NFATC2: variants seen among roughly 807,000 people sequenced by gnomAD.
NFATC2 encodes the protein nuclear factor of activated T-cells, cytoplasmic 2.
NFATC2 carries 22 observed loss-of-function variants against 87.3 expected under a neutral mutation model. The observed-to-expected ratio is 0.25, with a 90% confidence interval of 0.18 to 0.36. NFATC2 has a LOEUF of 0.36. Among genes scored for constraint, NFATC2 ranks in the 10% least tolerant of loss-of-function variants. NFATC2 has a pLI of 1.00. For synonymous variants in NFATC2, 565 were observed against 542.2 expected, an observed-to-expected ratio of 1.04 and a Z score of -0.58; for missense variants, 1,149 against 1,259.1, an observed-to-expected ratio of 0.91 and a Z score of 1.32.
Position 51,524,597 on chromosome 20 carries a change from C to T in NFATC2, c.131-487G>A. ...TCATGACCCCTAGTTTGAAAAGCAC[C>T]TATCTAGGGCCTATGGCAGCACTCT... On this transcript the variant is annotated intron_variant, in intron 1 of 10. Transcript: ENST00000371564. The surrounding 1 kb of genome is among the most constrained non-coding windows in gnomAD (Gnocchi z 4.0). Among the ~76,000 whole-genome samples the T allele has an allele frequency of 6.6e-6, 1 of 152,086 alleles. No individual in the cohort carries two copies. The highest frequency in any genetic ancestry group is 1.9e-4 in the East Asian group (1 of 5,178).
chr20:51,536,898 A>ACAC (rs2076729804), intron 1 of NFATC2, among the ~76,000 whole-genome samples: 1 of 149,682 alleles, frequency 6.7e-6, no homozygotes, highest in Non-Finnish European at 1.5e-5. Flanking sequence ...GCAAGCACCA[A>ACAC]ACACACACAC....
chr20:51,464,886 T>A (rs1987521088), intron 5 of NFATC2, among the ~76,000 whole-genome samples: 1 of 152,252 alleles, frequency 6.6e-6, no homozygotes, highest in Admixed American at 6.5e-5. Context: ...GCAAGCTCAC[T>A]TCTCCATGCT....
At chr20:51,531,285 G>A (rs1026535256) in intron 1 of NFATC2, among the ~76,000 whole-genome samples, 2 of 152,188 alleles carry the variant, frequency 1.3e-5, no homozygotes, top group African/African-American at 4.8e-5. Flanking sequence ...CATGACTCAC[G>A]CCCTCAACCT....
At chr20:51,458,736 C>G (rs1042111038) in intron 5 of NFATC2, among the ~76,000 whole-genome samples, 6 of 151,948 alleles carry the variant, frequency 3.9e-5, no homozygotes, top group Non-Finnish European at 7.4e-5. Flanking sequence ...ATTGCTTGAA[C>G]CGGGGAGGCG....
chr20:51,483,399 G>T (rs941642040), intron 3 of NFATC2, among the ~76,000 whole-genome samples: 6 of 152,058 alleles, frequency 3.9e-5, no homozygotes, highest in African/African-American at 1.4e-4. Context: ...CATCCTCAAA[G>T]ATTTCACTCT....
intron 9 of NFATC2, among the ~76,000 whole-genome samples, chr20:51,411,820 G>T (rs763285660): frequency 6.6e-6 from 1 of 151,998 alleles, no homozygotes; most frequent in Non-Finnish European, 1.5e-5. Flanking sequence ...GAGCCACCGC[G>T]CCTGGCCTGA....
At position 51,479,687 on chromosome 20, in the gene NFATC2, C is replaced by A. The variant is rs1989065510; in HGVS notation, c.1333-4027G>T. On this transcript the variant is annotated intron_variant, in intron 3 of 10. Coordinates refer to ENST00000371564, the MANE Select transcript of NFATC2 (RefSeq NM_012340.5). ...CATCTGTTTCCCTCATGCCACACAC[C>A]ACACTTGATGTTTTACACATCTCAC... 2.0e-5 allele frequency among the ~76,000 whole-genome samples: 3 copies of A among 152,178 alleles called. No homozygotes were observed. The South Asian group carries it at 6.2e-4, about 31-fold the overall frequency.
At chr20:51,428,710 C>A (rs938418534) in intron 9 of NFATC2, among the ~76,000 whole-genome samples, 1 of 152,144 alleles carries the variant, frequency 6.6e-6, no homozygotes, top group African/African-American at 2.4e-5. Context: ...TGCACTTGTG[C>A]GGGGGAGGGA....
chr20:51,458,780 C>G (rs1208183641), intron 5 of NFATC2, among the ~76,000 whole-genome samples: 1 of 152,082 alleles, frequency 6.6e-6, no homozygotes, highest in Admixed American at 6.5e-5. Flanking sequence ...CGCCCCTGCA[C>G]TCCAGCCTGG....
chr20:51,402,132 A>G (rs1988109869), intron 9 of NFATC2, among the ~76,000 whole-genome samples: 1 of 152,220 alleles, frequency 6.6e-6, no homozygotes, highest in Non-Finnish European at 1.5e-5. Flanking sequence ...GCTTTTTTGC[A>G]ATGATTGCAC....
At chr20:51,393,198 T>G (rs899120442) in intron 10 of NFATC2, among the ~76,000 whole-genome samples, 3 of 152,224 alleles carry the variant, frequency 2.0e-5, no homozygotes, top group African/African-American at 7.2e-5. Context: ...GGTCGGATTC[T>G]GGAGCCAGCG....
At chr20:51,535,743 G>A (rs1344087086) in intron 1 of NFATC2, among the ~76,000 whole-genome samples, 4 of 152,120 alleles carry the variant, frequency 2.6e-5, no homozygotes, top group African/African-American at 9.7e-5. Flanking sequence ...TCAGACTTGG[G>A]GTTTTTTTTC....
In NFATC2 at chr20:51,542,687, C is replaced by A; in HGVS notation, c.-188G>T. ...CCTGGACGCGCCCGGGGAAGCTGAG[C>A]GGCGGCGGCGACGGCGGCGCGAGCT... On this transcript the variant is annotated 5_prime_UTR_variant, in exon 1 of 11. Transcript: ENST00000371564. The A allele has an allele frequency of 9.8e-6, 10 of 1,016,132 alleles. No homozygotes were observed. The highest frequency in any genetic ancestry group is 4.8e-4 in the Middle Eastern group (1 of 2,074). The allele number at this position is 1,016,132 out of a possible 1,614,324, so 62.9% of individuals were successfully genotyped here.
chr20:51,476,496 G>A (rs1399101432), intron 3 of NFATC2, among the ~76,000 whole-genome samples: 1 of 152,060 alleles, frequency 6.6e-6, no homozygotes, highest in Non-Finnish European at 1.5e-5. Flanking sequence ...CATCTATTTA[G>A]AATTGAATCC....
intron 8 of NFATC2, among the ~76,000 whole-genome samples, chr20:51,434,573 G>A (rs1983273288): frequency 1.3e-5 from 2 of 152,132 alleles, no homozygotes; most frequent in Admixed American, 6.5e-5. Context: ...CTGTTAGAAT[G>A]GCAGTTCCAC....
chr20:51,542,940 C>A (rs906391341), upstream of NFATC2, among the ~76,000 whole-genome samples: 4 of 152,148 alleles, frequency 2.6e-5, no homozygotes, highest in African/African-American at 9.7e-5. Flanking sequence ...GTCTCCCACC[C>A]TCCACGGGTG....
In NFATC2 at chr20:51,502,702, T is replaced by A. The variant is rs191452790; in HGVS notation, c.1332+14082A>T. 3.8e-4 allele frequency among the ~76,000 whole-genome samples: 58 copies of A among 152,324 alleles called. 3 individuals carry two copies. Among genetic ancestry groups the A allele is most frequent in the Admixed American group, 3.1e-3 (48 of 15,298 alleles). On this transcript the variant is annotated intron_variant, in intron 3 of 10. Coordinates refer to ENST00000371564, the MANE Select transcript of NFATC2 (RefSeq NM_012340.5). ...ATAGATACATGACAAGGCAAGTGTG[T>A]CCTGAGGGTTTATTTTATGTCACTA... is the stretch of plus-strand genomic sequence containing the variant.
rs1231349681 is a variant in NFATC2, at chr20:51,520,858, C to T, written c.1160+2223G>A. On this transcript the variant is annotated intron_variant, in intron 2 of 10. Coordinates refer to ENST00000371564, the MANE Select transcript of NFATC2 (RefSeq NM_012340.5). Reference sequence around the variant, plus strand: ...TATTTTTAGTAGAGACAGGGTTTCTCCATGTCGGTCAGGCTGGTCTCAAAC... The same window carrying T: ...TATTTTTAGTAGAGACAGGGTTTCTTCATGTCGGTCAGGCTGGTCTCAAAC... 2.0e-5 allele frequency among the ~76,000 whole-genome samples: 3 copies of T among 152,054 alleles called. No individual in the cohort carries two copies. In the East Asian group the frequency reaches 5.8e-4, roughly 29 times the overall value.
At chr20:51,558,580 T>C (rs2076997729) in intron 1 of NFATC2, among the ~76,000 whole-genome samples, 1 of 152,152 alleles carries the variant, frequency 6.6e-6, no homozygotes, top group African/African-American at 2.4e-5. Context: ...ATATTGTTTA[T>C]TAAAGGATTG....
Sources: gnomAD v4.1 joint callset for allele counts (sites outside exome capture counted in the v4.1 genomes callset) on GRCh38, gnomAD v4.1.1 for gene constraint, Gnocchi (gnomAD v3.1) non-coding constraint, MANE v1.5 for transcripts, NCBI Gene and HGNC (gene_info 2026-07-23, HGNC 2026-07-21) for gene names.